ST6GAL2: variants seen among roughly 807,000 people sequenced by gnomAD.
ST6GAL2 encodes the protein ST6 beta-galactoside alpha-2,6-sialyltransferase 2.
Under a neutral mutation model 37.5 loss-of-function variants are expected in ST6GAL2, and 24 were observed. The observed-to-expected ratio is 0.64, with a 90% CI of 0.46 to 0.90. ST6GAL2 has a LOEUF of 0.90. Ranked by LOEUF, ST6GAL2 falls within the 40% of genes least tolerant of loss-of-function variation. The probability of loss-of-function intolerance (pLI) is 0.00; values close to 1 mark genes in which losing one functional copy is unlikely to be tolerated. For missense variants in ST6GAL2, 715 were observed against 712.7 expected (o/e 1.00, Z -0.04); for synonymous variants, 306 against 295.1 (o/e 1.04, Z -0.38).
intron 1 of ST6GAL2, among the ~76,000 whole-genome samples, chr2:106,884,092 T>A (rs911923580): frequency 6.6e-6 from 1 of 151,888 alleles, no homozygotes; most frequent in African/African-American, 2.4e-5. Flanking sequence ...CCTCACACAC[T>A]GAAATCATCT....
chr2:106,877,417 C>T (rs1443237447), intron 1 of ST6GAL2, among the ~76,000 whole-genome samples: 1 of 152,220 alleles, frequency 6.6e-6, no homozygotes, highest in Admixed American at 6.5e-5. Context: ...GAGCTCCACA[C>T]CTTCGTTGTG....
Position 106,843,929 on chromosome 2 carries a change from A to G in ST6GAL2, c.49T>C (p.Phe17Leu), listed in dbSNP as rs1027038630. 1 of 1,597,778 alleles carries G rather than the reference A, an allele frequency of 6.3e-7. No homozygotes were observed. Among genetic ancestry groups the G allele is most frequent in the African/African-American group, 1.3e-5 (1 of 74,914 alleles). The change falls in exon 2 of 6, where the codon TTC (phenylalanine) becomes CTC (leucine). Residue 17 changes from phenylalanine to leucine, a missense_variant. By Grantham distance (22) the Phe-to-Leu change is conservative. Coordinates refer to ENST00000409382, the MANE Select transcript of ST6GAL2 (RefSeq NM_001142351.2). ...AGCAAAAAGAGGAGCCCCCAAGCGA[A>G]TATTCCGAAAAGCATTCGTTGTCTC... is the stretch of plus-strand genomic sequence containing the variant. ...QWRQRMLFGI[F>L]AWGLLFLLIF...
At chr2:106,854,567 G>A (rs572290408) in intron 1 of ST6GAL2, among the ~76,000 whole-genome samples, 25 of 152,150 alleles carry the variant, frequency 1.6e-4, no homozygotes, top group African/African-American at 6.0e-4. Flanking sequence ...TAATTTATAT[G>A]TTGCATTATA....
At chr2:106,823,484 CACAGAGAG>C (rs1254791338) in intron 5 of ST6GAL2, among the ~76,000 whole-genome samples, 3 of 96,538 alleles carry the variant, frequency 3.1e-5, no homozygotes, top group African/African-American at 8.0e-5. Flanking sequence ...CACACACACA[CACAGAGAG>C]AGAGAGAGAG....
At chr2:106,869,541 G>A (rs1480149926) in intron 1 of ST6GAL2, among the ~76,000 whole-genome samples, 6 of 152,146 alleles carry the variant, frequency 3.9e-5, no homozygotes, top group Non-Finnish European at 8.8e-5. Flanking sequence ...GGGAGGGCAT[G>A]GGCTGACTGT....
rs1190280201 is a variant in ST6GAL2, at chr2:106,801,847, T to C, written c.*4831A>G. The C allele has an allele frequency of 6.6e-6, 1 of 152,218 alleles. No homozygotes were observed. Among genetic ancestry groups the C allele is most frequent in the Non-Finnish European group, 1.5e-5 (1 of 68,030 alleles). 9.4% of individuals were successfully genotyped at this position (152,218 alleles called of 1,614,324 possible). On this transcript the variant is annotated 3_prime_UTR_variant, in exon 6 of 6. Coordinates refer to ENST00000409382, the MANE Select transcript of ST6GAL2 (RefSeq NM_001142351.2). ...AGTTCACTGGTTTCCACTGGAAGAATTGTCTAAGTATTTCATCTAGAATAA... is the reference window on the plus strand; with the variant it reads ...AGTTCACTGGTTTCCACTGGAAGAACTGTCTAAGTATTTCATCTAGAATAA...
At position 106,811,373 on chromosome 2, in the gene ST6GAL2, G is replaced by T. The variant is rs150403507; in HGVS notation, c.1319-4424C>A. On this transcript the variant is annotated intron_variant, in intron 5 of 5. Coordinates refer to ENST00000409382, the MANE Select transcript of ST6GAL2 (RefSeq NM_001142351.2). ...CTCTTACATGGTTCAGAATGGGGTA[G>T]GTGGGGAGTAGATACTGCAGGCAGA... Among the ~76,000 whole-genome samples, 948 of 152,244 alleles carry T rather than the reference G, an allele frequency of 6.2e-3. 4 individuals carry two copies. Among genetic ancestry groups the T allele is most frequent in the African/African-American group, 0.022 (914 of 41,546 alleles).
intron 1 of ST6GAL2, among the ~76,000 whole-genome samples, chr2:106,860,399 T>C (rs936749354): frequency 6.6e-6 from 1 of 152,274 alleles, no homozygotes; most frequent in Non-Finnish European, 1.5e-5. Flanking sequence ...GACAAAAGAC[T>C]TAGGGCATAA....
At chr2:106,883,174 A>G (rs867662162) in intron 1 of ST6GAL2, among the ~76,000 whole-genome samples, 3 of 152,154 alleles carry the variant, frequency 2.0e-5, no homozygotes, top group Non-Finnish European at 4.4e-5. Flanking sequence ...AGTATTTTGA[A>G]TTGCAACTGT....
chr2:106,886,226 T>C (rs10169212), upstream of ST6GAL2: 41,170 of 152,172 alleles, frequency 0.27, 8,490 homozygotes, highest in African/African-American at 0.58. Flanking sequence ...GTGCGCGCGC[T>C]ACGCGCTCCC....
rs1296775804 is a variant in ST6GAL2 at position 106,867,529 on chromosome 2, A to G, written c.-58+18564T>C. Among the ~76,000 whole-genome samples the G allele has an allele frequency of 3.9e-5, 6 of 152,204 alleles. No individual in the cohort carries two copies. The East Asian group carries it at 1.2e-3, about 29-fold the overall frequency. On this transcript the variant is annotated intron_variant, in intron 1 of 5. Coordinates refer to ENST00000409382, the MANE Select transcript of ST6GAL2 (RefSeq NM_001142351.2). ...GGCAAAGCCTATGATTTTGGAGACA[A>G]CAAAGGCGAAGTCATTTCTAAGAAC...
chr2:106,873,854 C>T (rs1481055069), intron 1 of ST6GAL2, among the ~76,000 whole-genome samples: 1 of 152,164 alleles, frequency 6.6e-6, no homozygotes, highest in Non-Finnish European at 1.5e-5. Flanking sequence ...CCCATCTGGG[C>T]CATGGTCTCT....
At chr2:106,837,664 C>T (rs111621939) in intron 2 of ST6GAL2, among the ~76,000 whole-genome samples, 2,632 of 152,224 alleles carry the variant, frequency 0.017, 69 homozygotes, top group African/African-American at 0.061. Context: ...TCAGTTCTCT[C>T]CAAACCACGC....
In ST6GAL2 at chr2:106,802,170, G is replaced by A. The variant is rs1284652738; in HGVS notation, c.*4508C>T. 2 of 151,596 alleles carry A rather than the reference G, an allele frequency of 1.3e-5. No homozygotes were observed. The highest frequency in any genetic ancestry group is 4.8e-5 in the African/African-American group (2 of 41,240). The allele number at this position is 151,596 out of a possible 1,614,324, so 9.4% of individuals were successfully genotyped here. A position where few individuals can be genotyped will look rare whatever the true frequency, so the allele number is the denominator to read the frequency against. Reference sequence around the variant, plus strand: ...AGTGTGTGGGAAGCGGTTGGCGGAGGACTGAATTTTTTTTCTTTTAACAGA... The same window carrying A: ...AGTGTGTGGGAAGCGGTTGGCGGAGAACTGAATTTTTTTTCTTTTAACAGA... On this transcript the variant is annotated 3_prime_UTR_variant, in exon 6 of 6. Transcript: ENST00000409382.
chr2:106,847,424 A>G (rs778556125), intron 1 of ST6GAL2, among the ~76,000 whole-genome samples: 49 of 152,250 alleles, frequency 3.2e-4, no homozygotes, highest in Non-Finnish European at 5.4e-4. Context: ...ATTATCCTTA[A>G]TAACAGTTAT....
chr2:106,871,984 A>G (rs1347628158), intron 1 of ST6GAL2, among the ~76,000 whole-genome samples: 1 of 152,242 alleles, frequency 6.6e-6, no homozygotes, highest in African/African-American at 2.4e-5. Context: ...CCTGTATATA[A>G]TTGTATGTGA....
chr2:106,830,293 G>A, intron 4 of ST6GAL2, 53 bp from the exon 5 acceptor site: 1 of 1,507,700 alleles, frequency 6.6e-7, no homozygotes. Context: ...ACTATGAAAG[G>A]AGACAGGGCA....
In ST6GAL2 at chr2:106,804,462, C is replaced by G. The variant is rs1675351976; in HGVS notation, c.*2216G>C. On this transcript the variant is annotated 3_prime_UTR_variant, in exon 6 of 6. Coordinates refer to ENST00000409382, the MANE Select transcript of ST6GAL2 (RefSeq NM_001142351.2). ...GGTAGGGAGTAATATTCATCCACCA[C>G]AGCCACCTCACCCACATTCCAGAGT... 2 of 152,198 alleles carry G rather than the reference C, an allele frequency of 1.3e-5. No homozygotes were observed. Among genetic ancestry groups the G allele is most frequent in the Admixed American group, 6.5e-5 (1 of 15,284 alleles). The allele number at this position is 152,198 out of a possible 1,614,324, so 9.4% of individuals were successfully genotyped here.
chr2:106,879,016 A>C (rs1266660696), intron 1 of ST6GAL2, among the ~76,000 whole-genome samples: 1 of 152,204 alleles, frequency 6.6e-6, no homozygotes, highest in African/African-American at 2.4e-5. Flanking sequence ...GGATAGATAC[A>C]CACCATCTAG....
Sources: allele counts gnomAD v4.1 joint callset (sites outside exome capture counted in the v4.1 genomes callset), GRCh38; gene constraint gnomAD v4.1.1; transcripts MANE v1.5; gene names NCBI Gene and HGNC (gene_info 2026-07-23, HGNC 2026-07-21).